AP3B1: variants seen among roughly 807,000 people sequenced by gnomAD.
AP3B1 encodes adaptor related protein complex 3 subunit beta 1, also known as AP-3 complex subunit beta-1.
AP3B1 carries 61 observed loss-of-function variants against 132.5 expected under a neutral mutation model. That is an observed-to-expected ratio of 0.46 (90% CI 0.37 to 0.57). AP3B1 has a LOEUF of 0.57. Among genes scored for constraint, AP3B1 ranks in the 20% least tolerant of loss-of-function variants. The pLI, the probability that AP3B1 is intolerant of heterozygous loss-of-function variation, is 0.00. For synonymous variants in AP3B1, 388 were observed against 438.3 expected (o/e 0.89, Z 1.43); for missense variants, 1,120 against 1,289.4 (o/e 0.87, Z 2.01).
chr5:78,234,648 G>A (rs959548419), intron 3 of AP3B1, among the ~76,000 whole-genome samples: 3 of 152,116 alleles, frequency 2.0e-5, no homozygotes, highest in Non-Finnish European at 2.9e-5. Flanking sequence ...TATCCCATCT[G>A]CCTGGAAGTG....
At chr5:78,221,536 G>A (rs191195545) in intron 6 of AP3B1, among the ~76,000 whole-genome samples, 253 of 151,916 alleles carry the variant, frequency 1.7e-3, no homozygotes, top group African/African-American at 5.8e-3. Flanking sequence ...AAAATAATCA[G>A]ATGTGAAGAC....
At chr5:78,081,250 A>G (rs1196549853) in intron 22 of AP3B1, among the ~76,000 whole-genome samples, 2 of 150,900 alleles carry the variant, frequency 1.3e-5, no homozygotes, top group Non-Finnish European at 3.0e-5. Flanking sequence ...ACATACTTGG[A>G]TGCAAGACGT....
intron 7 of AP3B1, among the ~76,000 whole-genome samples, chr5:78,213,161 G>A (rs992353667): frequency 6.6e-5 from 10 of 152,114 alleles, no homozygotes; most frequent in African/African-American, 1.2e-4. Flanking sequence ...TTACAGGCGT[G>A]AGCCACCGCG....
intron 2 of AP3B1, among the ~76,000 whole-genome samples, chr5:78,262,322 C>G (rs1445047331): frequency 6.6e-6 from 1 of 152,072 alleles, no homozygotes; most frequent in Non-Finnish European, 1.5e-5. Flanking sequence ...GAAGCTTTTT[C>G]TCTATGCTTT....
chr5:78,197,355 G>A (rs970547721), intron 7 of AP3B1, among the ~76,000 whole-genome samples: 1 of 151,846 alleles, frequency 6.6e-6, no homozygotes, highest in Non-Finnish European at 1.5e-5. Context: ...AGAGACAAAC[G>A]TTGTTACATT....
chr5:78,116,197 T>C lies in AP3B1; in HGVS notation c.2006A>G (p.Glu669Gly), dbSNP rs1751820198. 4 of 1,613,890 alleles carry C rather than the reference T, an allele frequency of 2.5e-6. No individual in the cohort carries two copies. The South Asian group carries it at 4.4e-5, about 18-fold the overall frequency. Residue 669 changes from glutamate to glycine, a missense_variant, in exon 18 of 27, where the codon GAG (glutamate) becomes GGG (glycine). Coordinates refer to ENST00000255194, the MANE Select transcript of AP3B1 (RefSeq NM_003664.5). ...EWTPAGKAKQENSAKKFYSES... is the reference protein window; with the variant it reads ...EWTPAGKAKQGNSAKKFYSES... ...AGAATAAAACTTCTTAGCAGAATTC[T>C]CTTGCTTTGCTTTTCCTGCTGGGGT...
At chr5:78,054,045 A>G (rs1432538160) in intron 22 of AP3B1, among the ~76,000 whole-genome samples, 1 of 152,196 alleles carries the variant, frequency 6.6e-6, no homozygotes, top group Non-Finnish European at 1.5e-5. Context: ...CAAGTCTGTG[A>G]AATGGGGACA....
intron 22 of AP3B1, among the ~76,000 whole-genome samples, chr5:78,046,358 T>C (rs1459371399): frequency 6.6e-6 from 1 of 152,196 alleles, no homozygotes; most frequent in Non-Finnish European, 1.5e-5. Flanking sequence ...CTTATGAGCA[T>C]CTAACGCCTG....
At chr5:78,133,220 C>G (rs541582957) in intron 15 of AP3B1, among the ~76,000 whole-genome samples, 1 of 152,216 alleles carries the variant, frequency 6.6e-6, no homozygotes, top group African/African-American at 2.4e-5. Context: ...CAAAAGACAG[C>G]TTTTCCCACC....
At chr5:78,054,272 C>T (rs1175864921) in intron 22 of AP3B1, among the ~76,000 whole-genome samples, 1 of 152,120 alleles carries the variant, frequency 6.6e-6, no homozygotes, top group African/African-American at 2.4e-5. Flanking sequence ...TGAATATGAA[C>T]ACTGCAGTTC....
At chr5:78,132,520 A>G (rs1752734001) in intron 15 of AP3B1, among the ~76,000 whole-genome samples, 1 of 152,214 alleles carries the variant, frequency 6.6e-6, no homozygotes, top group African/African-American at 2.4e-5. Context: ...ATTAACAGCT[A>G]TTGTTTCATT....
At chr5:78,202,018 T>C (rs1350442706) in intron 7 of AP3B1, among the ~76,000 whole-genome samples, 3 of 152,130 alleles carry the variant, frequency 2.0e-5, no homozygotes, top group Non-Finnish European at 2.9e-5. Flanking sequence ...ACAATTGCCA[T>C]GTGTCGTGGG....
At chr5:78,142,442 GATA>G (rs1436669198) in intron 14 of AP3B1, among the ~76,000 whole-genome samples, 2 of 152,254 alleles carry the variant, frequency 1.3e-5, no homozygotes, top group Non-Finnish European at 1.5e-5. Context: ...CACGAGGAAA[GATA>G]ATGTTCTTTT....
chr5:78,077,644 C>T (rs1434366777), intron 22 of AP3B1, among the ~76,000 whole-genome samples: 3 of 152,032 alleles, frequency 2.0e-5, no homozygotes, highest in African/African-American at 7.2e-5. Flanking sequence ...AGTTCTTCCA[C>T]ACCCCAAGCC....
intron 22 of AP3B1, among the ~76,000 whole-genome samples, chr5:78,057,109 A>C (rs1748847576): frequency 6.6e-6 from 1 of 152,230 alleles, no homozygotes; most frequent in Non-Finnish European, 1.5e-5. Flanking sequence ...TGAAAAAGAC[A>C]CCATGCCAAC....
At chr5:78,232,645 C>G (rs1746695136) in intron 3 of AP3B1, among the ~76,000 whole-genome samples, 1 of 152,180 alleles carries the variant, frequency 6.6e-6, no homozygotes, top group Non-Finnish European at 1.5e-5. Context: ...TCAATACAAC[C>G]TACTGAAAAG....
At chr5:78,215,315 G>A (rs2112475795) in intron 7 of AP3B1, among the ~76,000 whole-genome samples, 1 of 151,348 alleles carries the variant, frequency 6.6e-6, no homozygotes, top group Admixed American at 6.6e-5. Context: ...AACATTTAAG[G>A]ATTTATTTAA....
intron 2 of AP3B1, among the ~76,000 whole-genome samples, chr5:78,264,147 C>T (rs901457488): frequency 1.3e-5 from 2 of 152,066 alleles, no homozygotes; most frequent in African/African-American, 4.8e-5. Flanking sequence ...TGTCATTCAG[C>T]GATGCATGAC....
chr5:78,097,023 C>T (rs1750849859), intron 21 of AP3B1, among the ~76,000 whole-genome samples: 4 of 125,500 alleles, frequency 3.2e-5, no homozygotes, highest in African/African-American at 1.1e-4. Context: ...GGGGGGTCAG[C>T]CCCCCGCCCG....
Sources: allele counts gnomAD v4.1 joint callset (sites outside exome capture counted in the v4.1 genomes callset), GRCh38; gene constraint gnomAD v4.1.1; transcripts MANE v1.5; gene names NCBI Gene and HGNC (gene_info 2026-07-23, HGNC 2026-07-21).